Variants in CENPI observed in about 807,000 individuals in gnomAD.
CENPI encodes the protein centromere protein I.
A neutral mutation model predicts 60.4 loss-of-function variants in CENPI; 4 were observed. That is an observed-to-expected ratio of 0.07 (90% CI 0.03 to 0.15). CENPI has a LOEUF of 0.15. Among genes scored for constraint, CENPI ranks in the 10% least tolerant of loss-of-function variants. The pLI is 1.00. For synonymous variants in CENPI, 157 were observed against 189.4 expected, an observed-to-expected ratio of 0.83 and a Z score of 1.40; for missense variants, 444 against 534.5, an observed-to-expected ratio of 0.83 and a Z score of 1.67.
intron 15 of CENPI, among the ~76,000 whole-genome samples, chrX:101,136,966 G>T (rs181974591): frequency 1.3e-4 from 14 of 110,649 alleles, no homozygotes; most frequent in Non-Finnish European, 1.9e-4. Flanking sequence ...AGGCTGGAGC[G>T]CAGTGGCATG....
chrX:101,169,730 A>AT (rs2013353905), downstream of CENPI, among the ~76,000 whole-genome samples: 1 of 111,772 alleles, frequency 8.9e-6, no homozygotes, highest in African/African-American at 3.2e-5. Flanking sequence ...CTCCATGCTT[A>AT]TTAGTGCCCC....
rs1264911949 is a variant in CENPI at position 101,166,100 on chromosome X, C to A, written c.*3133C>A. On this transcript the variant is annotated 3_prime_UTR_variant, in exon 22 of 22. Coordinates refer to ENST00000682095, the MANE Select transcript of CENPI (RefSeq NM_001386188.2). ...TCCCTGGGTATCTTTTTTTGCCCCA[C>A]AAATAAAATACTTAGACATACCTGG... Among the ~76,000 whole-genome samples, 1 of 111,632 alleles carries A rather than the reference C, an allele frequency of 9.0e-6. No homozygotes were observed. Among genetic ancestry groups the A allele is most frequent in the Non-Finnish European group, 1.9e-5 (1 of 53,071 alleles).
intron 15 of CENPI, among the ~76,000 whole-genome samples, chrX:101,137,903 C>T (rs2089862962): frequency 1.1e-5 from 1 of 89,854 alleles, no homozygotes; most frequent in African/African-American, 4.1e-5. Flanking sequence ...GGTTTAATGG[C>T]TGTCTATTCA....
At chrX:101,162,636 A>G (rs1436942461) in intron 21 of CENPI, among the ~76,000 whole-genome samples, 197 bp from the exon 22 acceptor site, 1 of 108,932 alleles carries the variant, frequency 9.2e-6, no homozygotes, top group Non-Finnish European at 1.9e-5. Flanking sequence ...CCAACATAAT[A>G]AAATGGACGT....
the CENPI span, among the ~76,000 whole-genome samples, chrX:101,176,840 C>T: frequency 8.9e-6 from 1 of 112,524 alleles, no homozygotes; most frequent in Admixed American, 9.4e-5. Flanking sequence ...TTTGCATAGA[C>T]CAATGTTTTA....
intron 12 of CENPI, among the ~76,000 whole-genome samples, chrX:101,129,199 A>T (rs775774213): frequency 1.8e-5 from 2 of 111,805 alleles, no homozygotes; most frequent in Non-Finnish European, 3.8e-5. Context: ...TCAGCTTATT[A>T]TAAAATTAAT....
At chrX:101,154,089 A>G (rs1272158246) in intron 20 of CENPI, among the ~76,000 whole-genome samples, 2 of 111,668 alleles carry the variant, frequency 1.8e-5, no homozygotes, top group Non-Finnish European at 3.8e-5. Flanking sequence ...TCTTAATTCT[A>G]TTTTATGGAT....
intron 20 of CENPI, among the ~76,000 whole-genome samples, chrX:101,160,602 C>A (rs2148265736): frequency 9.2e-6 from 1 of 108,794 alleles, no homozygotes; most frequent in African/African-American, 3.3e-5. Flanking sequence ...ATTGGCCAGG[C>A]TGGTCTCGAA....
chrX:101,109,826 G>A (rs950729441), intron 5 of CENPI, 65 bp from the exon 6 acceptor site: 9 of 784,834 alleles, frequency 1.1e-5, no homozygotes, highest in African/African-American at 1.0e-4. Flanking sequence ...GGGACGGGGG[G>A]CGGAATTAAA....
chrX:101,140,917 C>G (rs1460537581), intron 16 of CENPI, 157 bp downstream of exon 16: 1 of 410,644 alleles, frequency 2.4e-6, no homozygotes, highest in Non-Finnish European at 4.2e-6. Context: ...CCCCCACAAT[C>G]CTGAAAGGAA....
chrX:101,102,203 T>G (rs760632677), intron 3 of CENPI, 71 bp from the exon 4 acceptor site: 1 of 851,378 alleles, frequency 1.2e-6, no homozygotes, highest in South Asian at 3.0e-5. Flanking sequence ...GAGTTCCAAA[T>G]TCTTATTATT....
downstream of CENPI, among the ~76,000 whole-genome samples, chrX:101,167,945 C>T (rs1444471739): frequency 8.9e-6 from 1 of 111,861 alleles, no homozygotes; most frequent in African/African-American, 3.2e-5. Flanking sequence ...GGGGTCAGGG[C>T]AAGCCTTAAA....
chrX:101,105,383 G>A (rs1421099240), intron 4 of CENPI, among the ~76,000 whole-genome samples: 1 of 110,892 alleles, frequency 9.0e-6, no homozygotes, highest in Non-Finnish European at 1.9e-5. Flanking sequence ...AATTAGCCGG[G>A]CGTGGTGTCG....
intron 20 of CENPI, among the ~76,000 whole-genome samples, chrX:101,158,068 C>T (rs747909417): frequency 9.0e-5 from 10 of 111,441 alleles, no homozygotes; most frequent in African/African-American, 2.9e-4. Context: ...TCTTTCTGTG[C>T]TTGGCTTATT....
rs1457988183 is a variant in CENPI at position 101,101,300 on chromosome X, A to G, written c.226+4A>G. 2.0e-5 allele frequency: 23 copies of G among 1,123,581 alleles called. No homozygotes were observed. The highest frequency in any genetic ancestry group is 2.8e-5 in the Non-Finnish European group (23 of 818,363). The allele number at this position is 1,123,581 out of a possible 1,213,427, so 92.6% of individuals were successfully genotyped here. On this transcript the variant is annotated splice_donor_region_variant and intron_variant, in intron 3 of 21. Transcript: ENST00000682095. ...GCAGTGGGATATTTTGAGAAAGGTA[A>G]AGGTGGATTGTTTTCCTTATGAAAC... is the stretch of plus-strand genomic sequence containing the variant.
At chrX:101,120,962 G>A (rs2089671622) in intron 8 of CENPI, among the ~76,000 whole-genome samples, 178 bp downstream of exon 8, 2 of 105,105 alleles carry the variant, frequency 1.9e-5, no homozygotes, top group East Asian at 3.0e-4. Context: ...TGCAACCTCC[G>A]CCTCCCAGGT....
intron 20 of CENPI, among the ~76,000 whole-genome samples, chrX:101,156,101 C>A (rs1014566692): frequency 3.6e-5 from 4 of 110,914 alleles, no homozygotes; most frequent in Admixed American, 9.7e-5. Context: ...CAACCTCTGC[C>A]TCCTGGGTTC....
chrX:101,146,845 C>A (rs1439441432), intron 18 of CENPI, among the ~76,000 whole-genome samples: 2 of 111,024 alleles, frequency 1.8e-5, no homozygotes, highest in African/African-American at 6.6e-5. Flanking sequence ...AGCGATTCTC[C>A]CCCCTCAGCC....
the CENPI span, among the ~76,000 whole-genome samples, chrX:101,178,406 T>TC: frequency 3.3e-4 from 25 of 74,845 alleles, no homozygotes; most frequent in African/African-American, 1.2e-3. Context: ...TTCTTTTTTT[T>TC]TTTTTTTTTT....
Sources: allele counts gnomAD v4.1 joint callset (sites outside exome capture counted in the v4.1 genomes callset), GRCh38; gene constraint gnomAD v4.1.1; transcripts MANE v1.5; gene names NCBI Gene and HGNC (gene_info 2026-07-23, HGNC 2026-07-21).